Variants in CNTNAP2 observed in about 807,000 individuals in gnomAD.
CNTNAP2 encodes the protein contactin associated protein 2, also known as contactin-associated protein-like 2.
CNTNAP2 carries 98 observed loss-of-function variants against 155.2 expected under a neutral mutation model. That is an observed-to-expected ratio of 0.63 (90% CI 0.54 to 0.75). CNTNAP2 has a LOEUF of 0.75. Ranked by LOEUF, CNTNAP2 falls within the 30% of genes least tolerant of loss-of-function variation. The pLI is 0.00. For missense variants in CNTNAP2, 1,727 were observed against 1,688.1 expected (o/e 1.02, Z -0.40); for synonymous variants, 651 against 631.2 (o/e 1.03, Z -0.47).
At chr7:146,957,142 C>A (rs1797453433) in intron 3 of CNTNAP2, among the ~76,000 whole-genome samples, 1 of 152,114 alleles carries the variant, frequency 6.6e-6, no homozygotes, top group African/African-American at 2.4e-5. Flanking sequence ...CCCCTACACA[C>A]TTAGACTATA....
intron 15 of CNTNAP2, among the ~76,000 whole-genome samples, chr7:147,995,280 G>T (rs1386764833): frequency 6.6e-6 from 1 of 152,268 alleles, no homozygotes; most frequent in Middle Eastern, 3.4e-3. Flanking sequence ...TTATTAATCA[G>T]TTAACCCTCC....
chr7:147,358,947 G>A (rs1563173873), intron 9 of CNTNAP2, among the ~76,000 whole-genome samples: 1 of 152,026 alleles, frequency 6.6e-6, no homozygotes, highest in South Asian at 2.1e-4. Flanking sequence ...TACGGTTTTG[G>A]GCACCATAGT....
At chr7:146,855,281 A>AG in intron 3 of CNTNAP2, among the ~76,000 whole-genome samples, 1 of 152,180 alleles carries the variant, frequency 6.6e-6, no homozygotes. Context: ...GGCAATACCC[A>AG]GCAGAACTAA....
At chr7:147,639,798 T>C (rs1795244251) in intron 13 of CNTNAP2, among the ~76,000 whole-genome samples, 1 of 152,236 alleles carries the variant, frequency 6.6e-6, no homozygotes, top group African/African-American at 2.4e-5. Flanking sequence ...GTTTTCATGA[T>C]GGCCAACTTT....
chr7:147,403,625 T>G (rs1468772128), intron 10 of CNTNAP2, among the ~76,000 whole-genome samples: 1 of 152,206 alleles, frequency 6.6e-6, no homozygotes, highest in Admixed American at 6.5e-5. Context: ...ACACTTACAA[T>G]GCCTCTGTTT....
chr7:146,804,297 T>TAAAAAAAAAAAATACAAAAAA (rs1802930781), intron 2 of CNTNAP2, among the ~76,000 whole-genome samples: 5 of 152,220 alleles, frequency 3.3e-5, no homozygotes, highest in African/African-American at 1.2e-4. Context: ...AATACATTTT[T>TAAAAAAAAAAAATACAAAAAA]GCTTTAAGCT....
chr7:146,710,907 A>T (rs572926785), intron 1 of CNTNAP2, among the ~76,000 whole-genome samples: 4 of 152,102 alleles, frequency 2.6e-5, no homozygotes, highest in Admixed American at 2.6e-4. Context: ...CCAAGTTAGG[A>T]GCTCTCCAGC....
At chr7:148,216,833 G>A (rs1795647116) in intron 18 of CNTNAP2, among the ~76,000 whole-genome samples, 1 of 152,128 alleles carries the variant, frequency 6.6e-6, no homozygotes, top group Non-Finnish European at 1.5e-5. Context: ...ACAGGAGGAG[G>A]TCTTTCTTGT....
At chr7:148,269,372 A>C (rs1012571832) in intron 21 of CNTNAP2, among the ~76,000 whole-genome samples, 10 of 152,172 alleles carry the variant, frequency 6.6e-5, no homozygotes, top group Non-Finnish European at 1.5e-5. Context: ...CCTTATCTGA[A>C]TTTTCTCCAA....
chr7:147,260,322 T>C (rs1043531888), intron 8 of CNTNAP2, among the ~76,000 whole-genome samples: 1 of 152,216 alleles, frequency 6.6e-6, no homozygotes, highest in Admixed American at 6.5e-5. Context: ...AAAATATTTT[T>C]GTTTCAGGTC....
At chr7:148,383,398 A>G (rs1248900472) in intron 21 of CNTNAP2, among the ~76,000 whole-genome samples, 2 of 152,170 alleles carry the variant, frequency 1.3e-5, no homozygotes, top group South Asian at 2.1e-4. Context: ...GCCAGAAGGT[A>G]CTGAGAAATG....
Position 147,672,009 on chromosome 7 carries a change from T to C in CNTNAP2, c.2098+32703T>C, listed in dbSNP as rs972183226. On this transcript the variant is annotated intron_variant, in intron 13 of 23. Transcript: ENST00000361727. ...CAGAGTTTGTTAGAAAATCAGATAC[T>C]GGTCTGAGAAAAATGCTGATTCAGA... 1.3e-5 allele frequency: 2 copies of C among 152,164 alleles called. 1 individual carries two copies. The highest frequency in any genetic ancestry group is 1.3e-4 in the Admixed American group (2 of 15,282). The allele number at this position is 152,164 out of a possible 1,614,324, so 9.4% of individuals were successfully genotyped here.
chr7:146,118,705 TAAA>T (rs898504229), intron 1 of CNTNAP2, among the ~76,000 whole-genome samples: 1 of 152,258 alleles, frequency 6.6e-6, no homozygotes, highest in Admixed American at 6.5e-5. Context: ...CATTTTAAGA[TAAA>T]AAAGTTGTTA....
chr7:147,112,160 A>C (rs1474948937), intron 5 of CNTNAP2, among the ~76,000 whole-genome samples: 1 of 152,062 alleles, frequency 6.6e-6, no homozygotes, highest in Admixed American at 6.6e-5. Flanking sequence ...TTCATTCATA[A>C]TTTGACTCTC....
At chr7:146,969,418 G>A (rs1395439097) in intron 3 of CNTNAP2, among the ~76,000 whole-genome samples, 1 of 152,080 alleles carries the variant, frequency 6.6e-6, no homozygotes, top group African/African-American at 2.4e-5. Flanking sequence ...GGGTGTTAAA[G>A]TCTCCCATTA....
chr7:146,302,020 A>G (rs981088035), intron 1 of CNTNAP2, among the ~76,000 whole-genome samples: 1 of 152,074 alleles, frequency 6.6e-6, no homozygotes, highest in Non-Finnish European at 1.5e-5. Context: ...AATTAATGGG[A>G]GTCTGTTTTC....
chr7:146,888,780 A>T (rs1585140361), intron 3 of CNTNAP2, among the ~76,000 whole-genome samples: 1 of 152,312 alleles, frequency 6.6e-6, no homozygotes, highest in East Asian at 1.9e-4. Flanking sequence ...TGTTACCTAC[A>T]TGTGGGTTAA....
intron 1 of CNTNAP2, among the ~76,000 whole-genome samples, chr7:146,727,856 G>C (rs985999803): frequency 7.2e-5 from 11 of 152,134 alleles, no homozygotes; most frequent in African/African-American, 2.7e-4. Flanking sequence ...TTTGGACAGG[G>C]AGATGTCCCT....
intron 12 of CNTNAP2, among the ~76,000 whole-genome samples, chr7:147,603,034 A>T (rs2116863682): frequency 6.6e-6 from 1 of 152,066 alleles, no homozygotes; most frequent in African/African-American, 2.4e-5. Context: ...TGGTATTTCT[A>T]GTTCTAGATC....
Sources: allele counts gnomAD v4.1 joint callset (sites outside exome capture counted in the v4.1 genomes callset), GRCh38; gene constraint gnomAD v4.1.1; transcripts MANE v1.5; gene names NCBI Gene and HGNC (gene_info 2026-07-23, HGNC 2026-07-21).